The following PCDH10 variants were observed in gnomAD, a reference collection of about 807,000 sequenced individuals.
PCDH10 encodes protocadherin-10.
In PCDH10, 15 loss-of-function variants were observed where a neutral mutation model predicts 74.4. That is an observed-to-expected ratio of 0.20 (90% CI 0.13 to 0.31). The LOEUF is 0.31. Among genes scored for constraint, PCDH10 ranks in the 10% least tolerant of loss-of-function variants. PCDH10 has a pLI of 1.00. For synonymous variants in PCDH10, 619 were observed against 589.8 expected, an observed-to-expected ratio of 1.05 and a Z score of -0.72; for missense variants, 1,260 against 1,390.2, an observed-to-expected ratio of 0.91 and a Z score of 1.49.
In PCDH10 at chr4:133,154,753, T is replaced by A. The variant is rs1234312632; in HGVS notation, c.2691-164T>A. On this transcript the variant is annotated intron_variant, in intron 2 of 4. Coordinates refer to ENST00000264360, the MANE Select transcript of PCDH10 (RefSeq NM_032961.3). ...AAAATGACTGTTAATCGATCATTTT[T>A]AAATAGTTAAGCTTAGGCTATAAAA... 6.7e-6 allele frequency: 4 copies of A among 594,952 alleles called. No homozygotes were observed. In the African/African-American group the frequency reaches 7.4e-5, roughly 11 times the overall value. The allele number at this position is 594,952 out of a possible 1,614,324, so 36.9% of individuals were successfully genotyped here. A position where few individuals can be genotyped will look rare whatever the true frequency, so the allele number is the denominator to read the frequency against.
chr4:133,164,274 T>A (rs1183597481), intron 4 of PCDH10, among the ~76,000 whole-genome samples: 3 of 152,068 alleles, frequency 2.0e-5, no homozygotes, highest in Non-Finnish European at 4.4e-5. Flanking sequence ...TAAGTTTAAC[T>A]CACAAATCCA....
At chr4:133,176,173 A>G (rs1435811232) in intron 4 of PCDH10, among the ~76,000 whole-genome samples, 2 of 152,070 alleles carry the variant, frequency 1.3e-5, no homozygotes, top group Non-Finnish European at 2.9e-5. Flanking sequence ...TTGAACTTAT[A>G]GCCTACTATG....
chr4:133,203,511 C>T (rs1477257496), intron 2 of PCDH10, among the ~76,000 whole-genome samples: 1 of 152,062 alleles, frequency 6.6e-6, no homozygotes, highest in Non-Finnish European at 1.5e-5. Context: ...GGGTATTTTA[C>T]CCTATCAAGC....
Position 133,192,208 on chromosome 4 carries a change from A to G in PCDH10, c.*2048A>G, listed in dbSNP as rs548465264. On this transcript the variant is annotated 3_prime_UTR_variant, in exon 5 of 5. Transcript: ENST00000264360. ...CATAAATTCACTAAGTGCAGCAGTAACATTTTCTTAAACTTTGGCATTACT... is the reference window on the plus strand; with the variant it reads ...CATAAATTCACTAAGTGCAGCAGTAGCATTTTCTTAAACTTTGGCATTACT... 11 of 151,796 alleles carry G rather than the reference A, an allele frequency of 7.2e-5. No individual in the cohort carries two copies. In the East Asian group the frequency reaches 1.9e-3, roughly 27 times the overall value. The allele number at this position is 151,796 out of a possible 1,614,324, so 9.4% of individuals were successfully genotyped here.
rs897275821 is a variant in PCDH10 at position 133,191,257 on chromosome 4, C to T, written c.*1097C>T. ...AAGAAGTCATCAGTCATATCACTCA[C>T]ACAGAATTTTATTTTACATAGTTTT... On this transcript the variant is annotated 3_prime_UTR_variant, in exon 5 of 5. Coordinates refer to ENST00000264360, the MANE Select transcript of PCDH10 (RefSeq NM_032961.3). The T allele has an allele frequency of 6.6e-6, 1 of 152,168 alleles. No homozygotes were observed. The highest frequency in any genetic ancestry group is 1.5e-5 in the Non-Finnish European group (1 of 67,852). The allele number at this position is 152,168 out of a possible 1,614,324, so 9.4% of individuals were successfully genotyped here. A position where few individuals can be genotyped will look rare whatever the true frequency, so the allele number is the denominator to read the frequency against.
At chr4:133,170,793 A>ACCAGGCTGGAGTGCAGT (rs1727186975) in intron 4 of PCDH10, among the ~76,000 whole-genome samples, 2 of 151,922 alleles carry the variant, frequency 1.3e-5, no homozygotes, top group Non-Finnish European at 1.5e-5. Flanking sequence ...CCCGGGTTCG[A>ACCAGGCTGGAGTGCAGT]GCGATTTTCC....
downstream of PCDH10, among the ~76,000 whole-genome samples, chr4:133,195,386 G>T (rs1009190243): frequency 6.6e-6 from 1 of 151,982 alleles, no homozygotes; most frequent in Non-Finnish European, 1.5e-5. Context: ...GAAAAGAACC[G>T]AATAAAATAC....
At chr4:133,180,720 A>G (rs776303571) in intron 4 of PCDH10, among the ~76,000 whole-genome samples, 13 of 151,984 alleles carry the variant, frequency 8.6e-5, no homozygotes, top group Non-Finnish European at 1.8e-4. Context: ...GTAAATATGA[A>G]TGCAACATTT....
In PCDH10 at chr4:133,194,275, T is replaced by A. The variant is rs1426504761; in HGVS notation, c.*4115T>A. On this transcript the variant is annotated 3_prime_UTR_variant, in exon 5 of 5. Coordinates refer to ENST00000264360, the MANE Select transcript of PCDH10 (RefSeq NM_032961.3). ...AGTTTGAAGTTTTACTCTCCAGATG[T>A]TTTTGAGTTGCATAAAAATCTTGCA... is the stretch of plus-strand genomic sequence containing the variant. 2 of 151,852 alleles carry A rather than the reference T, an allele frequency of 1.3e-5. No homozygotes were observed. Among genetic ancestry groups the A allele is most frequent in the Admixed American group, 1.3e-4 (2 of 15,202 alleles). The allele number at this position is 151,852 out of a possible 1,614,324, so 9.4% of individuals were successfully genotyped here.
rs1441679157 is a variant in PCDH10 at position 133,151,951 on chromosome 4, C to T, written c.1811C>T (p.Ala604Val). Residue 604 changes from alanine to valine, a missense_variant, in exon 1 of 5, where the codon GCC (alanine) becomes GTC (valine). Ala to Val is a moderately conservative substitution (Grantham distance 64, BLOSUM62 0). Around this residue, in one of 11 missense-constraint regions of PCDH10, gnomAD observed 587 missense variants for 616.9 expected, o/e 0.95. Coordinates refer to ENST00000264360, the MANE Select transcript of PCDH10 (RefSeq NM_032961.3). Reference sequence around the variant, plus strand: ...CCGGGTTACCTGCTCACCCGCGTGGCCGCCGTGGACGCGGACGACGGCGAG... The same window carrying T: ...CCGGGTTACCTGCTCACCCGCGTGGTCGCCGTGGACGCGGACGACGGCGAG... ...AEPGYLLTRV[A>V]AVDADDGENA... The T allele has an allele frequency of 2.5e-6, 4 of 1,612,334 alleles. No homozygotes were observed. Among genetic ancestry groups the T allele is most frequent in the Admixed American group, 1.7e-5 (1 of 59,966 alleles).
chr4:133,173,732 CTT>C (rs74651681), intron 4 of PCDH10, among the ~76,000 whole-genome samples: 72,296 of 147,072 alleles, frequency 0.49, 17,595 homozygotes, highest in Admixed American at 0.55. Flanking sequence ...TTCTTAAAGT[CTT>C]TTTTTTTTTT....
At chr4:133,182,219 C>A (rs936712788) in intron 4 of PCDH10, among the ~76,000 whole-genome samples, 17 of 152,158 alleles carry the variant, frequency 1.1e-4, no homozygotes, top group African/African-American at 3.9e-4. Context: ...TCAGCATTTT[C>A]ATGCCTTCTG....
Position 133,200,135 on chromosome 4 carries a change from G to A in PCDH10, n.438-7941G>A, listed in dbSNP as rs137948264. 3.4e-3 allele frequency among the ~76,000 whole-genome samples: 523 copies of A among 151,830 alleles called. 3 individuals carry two copies. Among genetic ancestry groups the A allele is most frequent in the African/African-American group, 0.012 (495 of 41,450 alleles). On this transcript the variant is annotated intron_variant and non_coding_transcript_variant, in intron 2 of 2. Transcript: ENST00000511112. Reference sequence around the variant, plus strand: ...TCTAATATAAAATGGTACTATTCATGCTGTATTCTGCTTTATTCTCTACTA... The same window carrying A: ...TCTAATATAAAATGGTACTATTCATACTGTATTCTGCTTTATTCTCTACTA...
intron 4 of PCDH10, among the ~76,000 whole-genome samples, chr4:133,187,008 G>T (rs932389020): frequency 6.6e-5 from 10 of 152,042 alleles, no homozygotes; most frequent in Admixed American, 5.9e-4. Flanking sequence ...CTGAGCCACC[G>T]TGCCCAGCCA....
chr4:133,185,919 T>A (rs1727533887), intron 4 of PCDH10, among the ~76,000 whole-genome samples: 1 of 152,156 alleles, frequency 6.6e-6, no homozygotes, highest in Admixed American at 6.6e-5. Context: ...TAAAATAAAA[T>A]AATTTTTACC....
chr4:133,206,062 G>T (rs55646024), intron 2 of PCDH10, among the ~76,000 whole-genome samples: 1 of 152,086 alleles, frequency 6.6e-6, no homozygotes, highest in Non-Finnish European at 1.5e-5. Flanking sequence ...GAGTATGTTT[G>T]TCTGTAGGGT....
At chr4:133,171,697 C>T (rs1727206583) in intron 4 of PCDH10, among the ~76,000 whole-genome samples, 1 of 152,132 alleles carries the variant, frequency 6.6e-6, no homozygotes, top group African/African-American at 2.4e-5. Context: ...GTTAATGTTA[C>T]AGCTTGGCAG....
rs1413096702 is a variant in PCDH10, at chr4:133,151,531, G to A, written c.1391G>A (p.Ser464Asn). The change falls in exon 1 of 5, where the codon AGC becomes AAC. Residue 464 changes from serine to asparagine, a missense_variant. Physicochemically the swap from Ser to Asn is conservative, Grantham distance 46. Around this residue, in one of 11 missense-constraint regions of PCDH10, gnomAD observed 587 missense variants for 616.9 expected, o/e 0.95. Transcript: ENST00000264360. ...GTGAACGACAACGCGCCGCGTTTCA[G>A]CCAGCCGGTCTACGACGTGTATGTG... ...SDVNDNAPRF[S>N]QPVYDVYVTE... The A allele has an allele frequency of 3.7e-6, 6 of 1,614,102 alleles. No individual in the cohort carries two copies. In the East Asian group the frequency reaches 1.3e-4, roughly 36 times the overall value.
Position 133,151,293 on chromosome 4 carries a change from C to G in PCDH10, c.1153C>G (p.Arg385Gly), listed in dbSNP as rs1726682134. The G allele has an allele frequency of 4.3e-6, 7 of 1,614,014 alleles. No individual in the cohort carries two copies. Among genetic ancestry groups the G allele is most frequent in the Non-Finnish European group, 5.1e-6 (6 of 1,180,026 alleles). The change falls in exon 1 of 5, where the codon CGC becomes GGC. Residue 385 changes from arginine to glycine, a missense_variant. By Grantham distance (125) the Arg-to-Gly change is moderately radical (BLOSUM62 -2). This residue lies in a region of PCDH10 where 112 missense variants were observed against 123.6 expected (regional missense o/e 0.91). Coordinates refer to ENST00000264360, the MANE Select transcript of PCDH10 (RefSeq NM_032961.3). ...GGTGGCCCTTTTCAGCGTGACTGAC[C>G]GCGACTCAGAGGAGAATGGGCAGGT... ...TVVALFSVTD[R>G]DSEENGQVQC...
Sources: gnomAD v4.1 joint callset for allele counts (sites outside exome capture counted in the v4.1 genomes callset) on GRCh38, gnomAD v4.1.1 for gene constraint, gnomAD v4.1.1 regional missense constraint, MANE v1.5 for transcripts, NCBI Gene and HGNC (gene_info 2026-07-23, HGNC 2026-07-21) for gene names.